The following PIK3C2G variants were observed in gnomAD, a reference collection of about 807,000 sequenced individuals.
The protein encoded by PIK3C2G is phosphatidylinositol 3-kinase C2 domain-containing subunit gamma.
In PIK3C2G, 168 loss-of-function variants were observed where a neutral mutation model predicts 181.1. That is an observed-to-expected ratio of 0.93 (90% CI 0.82 to 1.05). PIK3C2G has a LOEUF of 1.05. Ranked by LOEUF, PIK3C2G falls within the 50% of genes least tolerant of loss-of-function variation. The pLI is 0.00. For missense variants in PIK3C2G, 1,869 were observed against 1,732.8 expected, an observed-to-expected ratio of 1.08 and a Z score of -1.40; for synonymous variants, 573 against 592.2, an observed-to-expected ratio of 0.97 and a Z score of 0.47.
intron 30 of PIK3C2G, among the ~76,000 whole-genome samples, chr12:18,596,858 A>C (rs1294347401): frequency 1.3e-5 from 2 of 152,094 alleles, no homozygotes; most frequent in Non-Finnish European, 2.9e-5. Flanking sequence ...CAGGTTTTCA[A>C]TTAAAATGTT....
chr12:18,459,595 G>T (rs1947809684), intron 18 of PIK3C2G, among the ~76,000 whole-genome samples: 1 of 151,992 alleles, frequency 6.6e-6, no homozygotes. Flanking sequence ...TCCACTATTT[G>T]GATTATATAT....
At chr12:18,292,228 ATATAT>A (rs1284962949) in intron 4 of PIK3C2G, among the ~76,000 whole-genome samples, 12 of 28,628 alleles carry the variant, frequency 4.2e-4, no homozygotes, top group African/African-American at 9.4e-4. Context: ...AAAAAAAAAA[ATATAT>A]ATATATATAT....
intron 12 of PIK3C2G, among the ~76,000 whole-genome samples, chr12:18,370,866 A>G (rs1397169386): frequency 6.6e-6 from 1 of 152,122 alleles, no homozygotes; most frequent in Non-Finnish European, 1.5e-5. Flanking sequence ...TCCCTAACAC[A>G]GTGTCTTTCT....
rs558896714 is a variant in PIK3C2G, at chr12:18,334,358, A to G, written c.1273-4068A>G. ...GTGCAACCATTTGTTCTCATTTATC[A>G]TCTTAGAGCTACTTACAATAAATCT... On this transcript the variant is annotated intron_variant, in intron 8 of 32. Coordinates refer to ENST00000538779, the MANE Select transcript of PIK3C2G (RefSeq NM_001288772.2). 3.0e-4 allele frequency among the ~76,000 whole-genome samples: 46 copies of G among 152,286 alleles called. 2 individuals are homozygous for G. The highest frequency in any genetic ancestry group is 1.1e-3 in the African/African-American group (44 of 41,574).
chr12:18,247,179 A>G (rs1186434704), upstream of PIK3C2G, among the ~76,000 whole-genome samples: 1 of 152,218 alleles, frequency 6.6e-6, no homozygotes, highest in African/African-American at 2.4e-5. Context: ...ACATCTATTA[A>G]TATCTCTCAG....
the PIK3C2G span, among the ~76,000 whole-genome samples, chr12:18,700,508 C>A: frequency 2.6e-4 from 2 of 7,842 alleles, no homozygotes; most frequent in African/African-American, 3.9e-4. Flanking sequence ...TCAGAGCCAA[C>A]GTACAAAAAA....
At chr12:18,592,333 A>G (rs948586194) in intron 29 of PIK3C2G, among the ~76,000 whole-genome samples, 3 of 151,934 alleles carry the variant, frequency 2.0e-5, no homozygotes, top group Non-Finnish European at 4.4e-5. Context: ...CTCAGAAGTG[A>G]TGGCAATAGA....
At chr12:18,724,116 T>C in the PIK3C2G span, among the ~76,000 whole-genome samples, 1 of 152,048 alleles carries the variant, frequency 6.6e-6, no homozygotes, top group Non-Finnish European at 1.5e-5. Flanking sequence ...ACCAGGATGA[T>C]TGGGAGTTTC....
At chr12:18,656,903 A>C in the PIK3C2G span, among the ~76,000 whole-genome samples, 135,051 of 152,246 alleles carry the variant, frequency 0.89, 59,974 homozygotes, top group Admixed American at 0.9. Context: ...ATGTGGTGTT[A>C]AAGTTACTTT....
intron 3 of PIK3C2G, among the ~76,000 whole-genome samples, chr12:18,288,599 A>T (rs190496482): frequency 6.4e-4 from 98 of 152,328 alleles, no homozygotes; most frequent in African/African-American, 2.3e-3. Context: ...AATGTCATCA[A>T]CATTTATTCT....
chr12:18,488,458 A>C lies in PIK3C2G; in HGVS notation c.2514A>C (p.Lys838Asn). 6.6e-7 allele frequency: 1 copy of C among 1,512,412 alleles called. No individual in the cohort carries two copies. Among genetic ancestry groups the C allele is most frequent in the East Asian group, 2.4e-5 (1 of 40,836 alleles). The allele number at this position is 1,512,412 out of a possible 1,614,324, so 93.7% of individuals were successfully genotyped here. A position where few individuals can be genotyped will look rare whatever the true frequency, so the allele number is the denominator to read the frequency against. ...QVAHRLYWLL[K>N]NAENEAYFKS... ...TCTCTCTTTCCTTCAGGCTGCTAAAAAATGCAGAAAATGAAGCTTATTTTA... is the reference window on the plus strand; with the variant it reads ...TCTCTCTTTCCTTCAGGCTGCTAAACAATGCAGAAAATGAAGCTTATTTTA... Residue 838 changes from lysine to asparagine, a missense_variant, in exon 19 of 33, where the codon AAA (lysine) becomes AAC (asparagine). Transcript: ENST00000538779.
intron 5 of PIK3C2G, among the ~76,000 whole-genome samples, chr12:18,308,161 G>A (rs775698375): frequency 6.6e-5 from 10 of 151,936 alleles, no homozygotes; most frequent in East Asian, 1.9e-4. Context: ...GTCTTGCCAC[G>A]TATAATGGTA....
At chr12:18,550,436 A>G (rs936039059) in intron 26 of PIK3C2G, among the ~76,000 whole-genome samples, 3 of 152,008 alleles carry the variant, frequency 2.0e-5, no homozygotes, top group African/African-American at 4.8e-5. Flanking sequence ...TGTGTAAATA[A>G]TATTGCTATT....
intron 5 of PIK3C2G, among the ~76,000 whole-genome samples, chr12:18,297,704 C>A (rs1950000935): frequency 1.3e-5 from 2 of 151,942 alleles, no homozygotes; most frequent in African/African-American, 4.8e-5. Context: ...ATACCCTTCC[C>A]AGGCTCTTAT....
intron 5 of PIK3C2G, among the ~76,000 whole-genome samples, chr12:18,305,933 C>CTT (rs71061297): frequency 7.6e-5 from 11 of 144,088 alleles, no homozygotes; most frequent in African/African-American, 2.0e-4. Flanking sequence ...CCATTGTTAT[C>CTT]TTTTTTTTTT....
At chr12:18,460,261 A>AT (rs1452347060) in intron 18 of PIK3C2G, among the ~76,000 whole-genome samples, 14 of 152,080 alleles carry the variant, frequency 9.2e-5, no homozygotes, top group Middle Eastern at 3.4e-3. Flanking sequence ...GTTTAAAAGC[A>AT]TTGTTTTGTA....
intron 29 of PIK3C2G, among the ~76,000 whole-genome samples, chr12:18,567,885 A>G (rs1387245716): frequency 6.6e-6 from 1 of 152,172 alleles, no homozygotes; most frequent in Non-Finnish European, 1.5e-5. Flanking sequence ...TGGAATTAAA[A>G]TGAAAATGTT....
chr12:18,511,314 T>C (rs544601013), intron 24 of PIK3C2G, among the ~76,000 whole-genome samples: 2 of 152,254 alleles, frequency 1.3e-5, no homozygotes, highest in African/African-American at 2.4e-5. Flanking sequence ...TTGCAACATA[T>C]TGATTTCCAT....
At chr12:18,411,141 C>T (rs1043738998) in intron 16 of PIK3C2G, among the ~76,000 whole-genome samples, 2 of 152,076 alleles carry the variant, frequency 1.3e-5, no homozygotes, top group African/African-American at 4.8e-5. Flanking sequence ...TATTAAATAT[C>T]TTTACTGATC....
Sources: allele counts gnomAD v4.1 joint callset (sites outside exome capture counted in the v4.1 genomes callset), GRCh38; gene constraint gnomAD v4.1.1; transcripts MANE v1.5; gene names NCBI Gene and HGNC (gene_info 2026-07-23, HGNC 2026-07-21).